The following TPRG1 variants were observed in gnomAD, a reference collection of about 807,000 sequenced individuals.
TPRG1 encodes the protein tumor protein p63-regulated gene 1 protein.
A neutral mutation model predicts 29.3 loss-of-function variants in TPRG1; 29 were observed. That is an observed-to-expected ratio of 0.99 (90% CI 0.74 to 1.35). The LOEUF (loss-of-function observed/expected upper bound fraction) is 1.35. TPRG1 is among the 40% of genes most tolerant of loss of function. The probability of loss-of-function intolerance (pLI) is 0.00; values close to 1 mark genes in which losing one functional copy is unlikely to be tolerated. For synonymous variants in TPRG1, 130 were observed against 116.8 expected, an observed-to-expected ratio of 1.11 and a Z score of -0.73; for missense variants, 327 against 335.0, an observed-to-expected ratio of 0.98 and a Z score of 0.19.
At chr3:189,118,948 GAGA>G (rs1721505473) in intron 1 of TPRG1, among the ~76,000 whole-genome samples, 1 of 152,238 alleles carries the variant, frequency 6.6e-6, no homozygotes, top group Non-Finnish European at 1.5e-5. Flanking sequence ...GTGGAGCTGT[GAGA>G]AGAAGGCCAC....
At chr3:189,218,789 G>A (rs1050063245) in intron 3 of TPRG1, among the ~76,000 whole-genome samples, 4 of 152,166 alleles carry the variant, frequency 2.6e-5, no homozygotes, top group African/African-American at 9.7e-5. Flanking sequence ...GGCTGATTGG[G>A]TTCTAATTCT....
intron 3 of TPRG1, among the ~76,000 whole-genome samples, chr3:189,134,533 C>T (rs1398534691): frequency 6.6e-6 from 1 of 151,278 alleles, no homozygotes; most frequent in Non-Finnish European, 1.5e-5. Flanking sequence ...CCACCTCAGC[C>T]TCCCCAAGTA....
rs1463386183 is a variant in TPRG1 at position 189,022,061 on chromosome 3, G to A, written c.-659-1689G>A. ...CTTCTGCATTCTTCACGTAGTTCTCGAGCCTTGGTTTTCAGCTCCATCAGC... is the reference window on the plus strand; with the variant it reads ...CTTCTGCATTCTTCACGTAGTTCTCAAGCCTTGGTTTTCAGCTCCATCAGC... On this transcript the variant is annotated intron_variant, in intron 3 of 10. Coordinates refer to the TPRG1 transcript ENST00000433971. Among the ~76,000 whole-genome samples the A allele has an allele frequency of 5.3e-5, 8 of 151,680 alleles. No individual in the cohort carries two copies. The East Asian group carries it at 5.8e-4, about 11-fold the overall frequency.
At chr3:189,054,025 G>C (rs1262455886) in intron 4 of TPRG1, among the ~76,000 whole-genome samples, 1 of 152,220 alleles carries the variant, frequency 6.6e-6, no homozygotes, top group African/African-American at 2.4e-5. Context: ...GCTGTTTGGG[G>C]TAAGACGCTC....
chr3:189,175,527 G>A (rs1729372395), intron 1 of TPRG1, among the ~76,000 whole-genome samples: 1 of 152,176 alleles, frequency 6.6e-6, no homozygotes, highest in Admixed American at 6.6e-5. Context: ...CCAGACATTA[G>A]TTCATGATTA....
chr3:189,227,658 C>A (rs1737971489), intron 3 of TPRG1, among the ~76,000 whole-genome samples: 1 of 152,102 alleles, frequency 6.6e-6, no homozygotes, highest in South Asian at 2.1e-4. Context: ...AATTTGTAAC[C>A]CATCAGCGTT....
chr3:189,288,599 G>A lies in TPRG1; in HGVS notation c.480-21787G>A, dbSNP rs140600125. 3.0e-3 allele frequency among the ~76,000 whole-genome samples: 459 copies of A among 152,274 alleles called. 5 individuals are homozygous for A. Among genetic ancestry groups the A allele is most frequent in the Admixed American group, 6.1e-3 (93 of 15,292 alleles). On this transcript the variant is annotated intron_variant, in intron 4 of 5. Coordinates refer to ENST00000345063, the MANE Select transcript of TPRG1 (RefSeq NM_198485.4). ...TTAACTCCAGCTAACCTTTGATTCCGCTTTCCAATGTCCCCTTTTGCTTTT... is the reference window on the plus strand; with the variant it reads ...TTAACTCCAGCTAACCTTTGATTCCACTTTCCAATGTCCCCTTTTGCTTTT...
rs528266847 is a variant in TPRG1, at chr3:189,063,696, A to G, written c.-463+39750A>G. ...AAGGAAATCTCAAAGGACATTTAAT[A>G]CATATACAAAACCAAATTAAATTGA... On this transcript the variant is annotated intron_variant, in intron 4 of 10. Transcript: ENST00000433971. Among the ~76,000 whole-genome samples, 34 of 152,314 alleles carry G rather than the reference A, an allele frequency of 2.2e-4. No homozygotes were observed. The South Asian group carries it at 6.4e-3, about 29-fold the overall frequency.
At position 189,180,025 on chromosome 3, in the gene TPRG1, C is replaced by T. The variant is rs150672998; in HGVS notation, c.-10+7894C>T. Among the ~76,000 whole-genome samples the T allele has an allele frequency of 1.1e-4, 16 of 152,304 alleles. No homozygotes were observed. In the East Asian group the frequency reaches 3.1e-3, roughly 29 times the overall value. On this transcript the variant is annotated intron_variant, in intron 1 of 5. Transcript: ENST00000345063. ...TGATGGAAGGCAAGGAGGAGCAAGTCACATCTTACATGGACGGCAGCATAC... is the reference window on the plus strand; with the variant it reads ...TGATGGAAGGCAAGGAGGAGCAAGTTACATCTTACATGGACGGCAGCATAC...
intron 4 of TPRG1, among the ~76,000 whole-genome samples, chr3:189,245,298 C>T (rs1357051206): frequency 6.6e-6 from 1 of 152,074 alleles, no homozygotes; most frequent in East Asian, 1.9e-4. Context: ...TCTTGAAGTG[C>T]AGCCCAAGGT....
At chr3:189,076,316 A>G (rs1717167212) in intron 4 of TPRG1, among the ~76,000 whole-genome samples, 1 of 152,168 alleles carries the variant, frequency 6.6e-6, no homozygotes. Flanking sequence ...AAGTAAAATT[A>G]CCAGAGTTTG....
At chr3:189,075,870 T>A (rs1207251645) in intron 4 of TPRG1, among the ~76,000 whole-genome samples, 1 of 152,250 alleles carries the variant, frequency 6.6e-6, no homozygotes, top group African/African-American at 2.4e-5. Context: ...TTTGTTCACC[T>A]GTCTTGCATG....
At chr3:189,001,525 CT>C (rs992070733) in intron 2 of TPRG1, among the ~76,000 whole-genome samples, 1 of 152,138 alleles carries the variant, frequency 6.6e-6, no homozygotes, top group Non-Finnish European at 1.5e-5. Context: ...CCTTGGGTCT[CT>C]TTTAAAAGAC....
intron 4 of TPRG1, among the ~76,000 whole-genome samples, chr3:189,291,061 C>T (rs1397170345): frequency 6.6e-6 from 1 of 152,060 alleles, no homozygotes; most frequent in African/African-American, 2.4e-5. Context: ...ACCACCACAC[C>T]TGGCTAATTT....
intron 4 of TPRG1, among the ~76,000 whole-genome samples, chr3:189,259,462 C>CTTTT (rs35016491): frequency 3.3e-5 from 3 of 92,112 alleles, no homozygotes; most frequent in African/African-American, 4.8e-5. Context: ...CCAGGAATCC[C>CTTTT]TTTTTTTTTT....
intron 4 of TPRG1, chr3:189,267,819 G>A (rs375327816): frequency 1.3e-5 from 2 of 152,288 alleles, no homozygotes; most frequent in East Asian, 3.9e-4. Context: ...ATAGCCTATA[G>A]CACAACATTA....
chr3:189,221,208 A>T (rs529992025), intron 3 of TPRG1, among the ~76,000 whole-genome samples: 2 of 152,212 alleles, frequency 1.3e-5, no homozygotes. Context: ...ATAGCACTTT[A>T]TAGTTTAAAA....
At chr3:189,104,907 G>A (rs1413030011) in intron 1 of TPRG1, among the ~76,000 whole-genome samples, 1 of 152,074 alleles carries the variant, frequency 6.6e-6, no homozygotes, top group Non-Finnish European at 1.5e-5. Context: ...ATCCCCATCA[G>A]CTTTGAAAAA....
chr3:189,299,842 G>A (rs1238009092), intron 4 of TPRG1, among the ~76,000 whole-genome samples: 2 of 152,168 alleles, frequency 1.3e-5, no homozygotes, highest in Non-Finnish European at 2.9e-5. Flanking sequence ...ACAGGCTCAG[G>A]AAGTGGAATG....
Sources: allele counts gnomAD v4.1 joint callset (sites outside exome capture counted in the v4.1 genomes callset), GRCh38; gene constraint gnomAD v4.1.1; transcripts MANE v1.5; gene names NCBI Gene and HGNC (gene_info 2026-07-23, HGNC 2026-07-21).